The following LRRC8D variants were observed in gnomAD, a reference collection of about 807,000 sequenced individuals.
LRRC8D encodes the protein leucine rich repeat containing 8 VRAC subunit D.
Under a neutral mutation model 55.8 loss-of-function variants are expected in LRRC8D, and 20 were observed. The ratio of observed to expected loss-of-function variants is 0.36; its 90% confidence interval spans 0.25 to 0.52. The LOEUF is 0.52. Among genes scored for constraint, LRRC8D ranks in the 20% least tolerant of loss-of-function variants. The pLI, the probability that LRRC8D is intolerant of heterozygous loss-of-function variation, is 0.93. For synonymous variants in LRRC8D, 352 were observed against 377.0 expected, an observed-to-expected ratio of 0.93 and a Z score of 0.77; for missense variants, 651 against 1,030.8, an observed-to-expected ratio of 0.63 and a Z score of 5.05.
chr1:89,912,637 A>C (rs1663163289), intron 2 of LRRC8D, among the ~76,000 whole-genome samples: 1 of 152,158 alleles, frequency 6.6e-6, no homozygotes, highest in Non-Finnish European at 1.5e-5. Flanking sequence ...TTTGGCTCTC[A>C]CAAGTCTTAC....
intron 2 of LRRC8D, among the ~76,000 whole-genome samples, chr1:89,881,668 C>T (rs1464299663): frequency 6.6e-6 from 1 of 152,052 alleles, no homozygotes; most frequent in Non-Finnish European, 1.5e-5. Context: ...AAGGGAGAAC[C>T]TAAGGGGGCT....
intron 2 of LRRC8D, among the ~76,000 whole-genome samples, chr1:89,899,579 A>G (rs1662798805): frequency 6.6e-6 from 1 of 152,244 alleles, no homozygotes; most frequent in Admixed American, 6.5e-5. Context: ...TTAGCTGATC[A>G]TCATTCCTGC....
At chr1:89,830,326 A>C (rs1954643) in intron 1 of LRRC8D, among the ~76,000 whole-genome samples, 144,334 of 152,242 alleles carry the variant, frequency 0.95, 68,861 homozygotes, top group Middle Eastern at 1. Flanking sequence ...CACAAAACAC[A>C]CCCTTCCTAC....
intron 2 of LRRC8D, among the ~76,000 whole-genome samples, chr1:89,894,084 C>T (rs1662646208): frequency 6.6e-6 from 1 of 152,214 alleles, no homozygotes; most frequent in South Asian, 2.1e-4. Context: ...GCTCTGCCCT[C>T]ATGGATGGGA....
chr1:89,879,931 AG>A (rs1277478703), intron 2 of LRRC8D, among the ~76,000 whole-genome samples: 1 of 152,214 alleles, frequency 6.6e-6, no homozygotes, highest in Admixed American at 6.5e-5. Flanking sequence ...AATTACAAAA[AG>A]GTAAGTAGAA....
chr1:89,880,568 A>C (rs1327558946), intron 2 of LRRC8D, among the ~76,000 whole-genome samples: 2 of 152,058 alleles, frequency 1.3e-5, no homozygotes, highest in Admixed American at 6.6e-5. Context: ...AGTATGTGAA[A>C]GTTCCATGCT....
At chr1:89,862,283 T>C (rs568868156) in intron 2 of LRRC8D, among the ~76,000 whole-genome samples, 1 of 152,312 alleles carries the variant, frequency 6.6e-6, no homozygotes, top group African/African-American at 2.4e-5. Context: ...TGTTATTTTC[T>C]TACATCTAGT....
chr1:89,880,100 G>A lies in LRRC8D; in HGVS notation c.-3+36318G>A, dbSNP rs533732046. On this transcript the variant is annotated intron_variant, in intron 2 of 2. Transcript: ENST00000337338. ...TATGTGCTTTGCATGTCTCTACGACGTTTGGTACTGTTACCCTCATATTAC... is the reference window on the plus strand; with the variant it reads ...TATGTGCTTTGCATGTCTCTACGACATTTGGTACTGTTACCCTCATATTAC... 5.9e-4 allele frequency among the ~76,000 whole-genome samples: 90 copies of A among 151,550 alleles called. 1 individual carries two copies. Among genetic ancestry groups the A allele is most frequent in the Middle Eastern group, 3.4e-3 (1 of 294 alleles).
intron 2 of LRRC8D, among the ~76,000 whole-genome samples, chr1:89,893,860 T>A (rs1662637881): frequency 6.6e-6 from 1 of 152,230 alleles, no homozygotes; most frequent in South Asian, 2.1e-4. Context: ...TTGTTCTGTA[T>A]TTGCAGATAA....
At chr1:89,903,544 T>C (rs1209325353) in intron 2 of LRRC8D, among the ~76,000 whole-genome samples, 1 of 152,154 alleles carries the variant, frequency 6.6e-6, no homozygotes, top group Non-Finnish European at 1.5e-5. Context: ...CTGAGAGAAA[T>C]GGCAGGATTA....
At chr1:89,833,231 T>A (rs1258929975) in intron 1 of LRRC8D, among the ~76,000 whole-genome samples, 1 of 152,262 alleles carries the variant, frequency 6.6e-6, no homozygotes, top group Non-Finnish European at 1.5e-5. Flanking sequence ...TCCCTGATAC[T>A]GCCTCCCCAA....
intron 2 of LRRC8D, among the ~76,000 whole-genome samples, chr1:89,888,336 T>C (rs189560503): frequency 9.2e-5 from 14 of 152,334 alleles, no homozygotes; most frequent in Admixed American, 9.1e-4. Context: ...TAGTGGATGA[T>C]GAGGGCCTTG....
Position 89,843,715 on chromosome 1 carries a change from C to T in LRRC8D, c.-70C>T. ...AGTCTCCTGTCGCCGTGGTTCCAGCCTCCGGAGCTCGCCCAAGCCGCGTCC... is the reference window on the plus strand; with the variant it reads ...AGTCTCCTGTCGCCGTGGTTCCAGCTTCCGGAGCTCGCCCAAGCCGCGTCC... On this transcript the variant is annotated 5_prime_UTR_variant, in exon 2 of 3. Transcript: ENST00000337338. 1.4e-6 allele frequency: 1 copy of T among 701,916 alleles called. No homozygotes were observed. Among genetic ancestry groups the T allele is most frequent in the South Asian group, 1.5e-5 (1 of 67,548 alleles). 43.5% of individuals were successfully genotyped at this position (701,916 alleles called of 1,614,324 possible). A position where few individuals can be genotyped will look rare whatever the true frequency, so the allele number is the denominator to read the frequency against.
At chr1:89,876,010 A>T (rs928464278) in intron 2 of LRRC8D, among the ~76,000 whole-genome samples, 3 of 152,188 alleles carry the variant, frequency 2.0e-5, no homozygotes, top group Non-Finnish European at 4.4e-5. Context: ...CATGTTGGGT[A>T]GGGAGCATGT....
At chr1:89,829,467 C>G (rs1242735824) in intron 1 of LRRC8D, among the ~76,000 whole-genome samples, 1 of 152,166 alleles carries the variant, frequency 6.6e-6, no homozygotes, top group Non-Finnish European at 1.5e-5. Flanking sequence ...TCATTTTATA[C>G]CAGACTTTTT....
intron 2 of LRRC8D, among the ~76,000 whole-genome samples, chr1:89,924,455 C>T (rs184590162): frequency 1.3e-3 from 195 of 152,292 alleles, no homozygotes; most frequent in African/African-American, 2.3e-3. Flanking sequence ...AAAACACTTA[C>T]GCACTGCTGG....
chr1:89,915,721 A>G lies in LRRC8D; in HGVS notation c.-2-17346A>G, dbSNP rs79520446. On this transcript the variant is annotated intron_variant, in intron 2 of 2. Transcript: ENST00000337338. ...TGAAACAGATTGGGAAACACTGTTAATGACCTCTACAACCAAAATAGCAGG... is the reference window on the plus strand; with the variant it reads ...TGAAACAGATTGGGAAACACTGTTAGTGACCTCTACAACCAAAATAGCAGG... 8.2e-3 allele frequency among the ~76,000 whole-genome samples: 1,253 copies of G among 152,350 alleles called. 15 individuals are homozygous for G. Among genetic ancestry groups the G allele is most frequent in the African/African-American group, 0.027 (1,135 of 41,582 alleles).
rs1464609754 is a variant in LRRC8D at position 89,843,609 on chromosome 1, CTCTT to C, written c.-147-25_-147-22del. ...GCTGCCGACACTTGGATCTCTCTAG[CTCTT>C]TCTCTCCCCTGTGTTTTCAAACAGG... is the stretch of plus-strand genomic sequence containing the variant. On this transcript the variant is annotated intron_variant, in intron 1 of 2. Transcript: ENST00000337338. 8.6e-6 allele frequency: 6 copies of C among 700,838 alleles called. No homozygotes were observed. The African/African-American group carries it at 1.0e-4, about 12-fold the overall frequency. 43.4% of individuals were successfully genotyped at this position (700,838 alleles called of 1,614,324 possible).
At chr1:89,927,047 G>T (rs1400753705) in intron 2 of LRRC8D, among the ~76,000 whole-genome samples, 1 of 152,226 alleles carries the variant, frequency 6.6e-6, no homozygotes, top group Non-Finnish European at 1.5e-5. Flanking sequence ...TTCAGATATT[G>T]TATGTTCCTA....
Sources: gnomAD v4.1 joint callset for allele counts (sites outside exome capture counted in the v4.1 genomes callset) on GRCh38, gnomAD v4.1.1 for gene constraint, MANE v1.5 for transcripts, NCBI Gene and HGNC (gene_info 2026-07-23, HGNC 2026-07-21) for gene names.